Variants in FSTL1 observed in about 807,000 individuals in gnomAD.
The protein encoded by FSTL1 is follistatin-related protein 1.
Under a neutral mutation model 45.9 loss-of-function variants are expected in FSTL1, and 24 were observed. The observed-to-expected ratio is 0.52, with a 90% CI of 0.38 to 0.74. FSTL1 has a LOEUF of 0.74. FSTL1 is among the 30% of genes least tolerant of loss of function. The pLI is 0.00. For synonymous variants in FSTL1, 120 were observed against 137.6 expected, an observed-to-expected ratio of 0.87 and a Z score of 0.89; for missense variants, 340 against 381.8, an observed-to-expected ratio of 0.89 and a Z score of 0.91.
chr3:120,415,897 C>T (rs1404173071), intron 3 of FSTL1, 26 bp downstream of exon 3: 2 of 1,463,034 alleles, frequency 1.4e-6, no homozygotes, highest in East Asian at 2.3e-5. Context: ...GGCCACTGTC[C>T]TCTGGCTCCC....
chr3:120,403,435 A>G (rs1936867587), intron 7 of FSTL1, 81 bp from the exon 8 acceptor site: 1 of 830,174 alleles, frequency 1.2e-6, no homozygotes. Context: ...AGGACCACAT[A>G]CACCCAGGGC....
chr3:120,434,693 C>T (rs1051523770), intron 2 of FSTL1, among the ~76,000 whole-genome samples: 4 of 152,172 alleles, frequency 2.6e-5, no homozygotes, highest in Non-Finnish European at 4.4e-5. Context: ...TCACTCACTA[C>T]ACACTTTGGG....
intron 2 of FSTL1, among the ~76,000 whole-genome samples, chr3:120,431,445 C>T (rs1188116782): frequency 6.6e-6 from 1 of 152,142 alleles, no homozygotes; most frequent in Non-Finnish European, 1.5e-5. Context: ...TTTACACTTA[C>T]AGTACATCTA....
intron 2 of FSTL1, among the ~76,000 whole-genome samples, chr3:120,434,424 C>T (rs769831565): frequency 1.3e-5 from 2 of 152,130 alleles, no homozygotes; most frequent in African/African-American, 2.4e-5. Flanking sequence ...CCTGAGGAAA[C>T]TTAGTTTATG....
Position 120,395,593 on chromosome 3 carries a change from G to T in FSTL1, c.*1359C>A. Reference sequence around the variant, plus strand: ...ACTCCATATCATAGCACGACCTGTAGGGTCATCAGGCTGAGATCAAATCTG... The same window carrying T: ...ACTCCATATCATAGCACGACCTGTATGGTCATCAGGCTGAGATCAAATCTG... On this transcript the variant is annotated 3_prime_UTR_variant, in exon 11 of 11. Coordinates refer to ENST00000295633, the MANE Select transcript of FSTL1 (RefSeq NM_007085.5). 3.9e-6 allele frequency: 2 copies of T among 508,880 alleles called. No individual in the cohort carries two copies. Among genetic ancestry groups the T allele is most frequent in the South Asian group, 2.9e-5 (2 of 68,440 alleles). 31.5% of individuals were successfully genotyped at this position (508,880 alleles called of 1,614,324 possible). A position where few individuals can be genotyped will look rare whatever the true frequency, so the allele number is the denominator to read the frequency against.
At chr3:120,435,324 T>G (rs749464812) in intron 2 of FSTL1, among the ~76,000 whole-genome samples, 2 of 152,240 alleles carry the variant, frequency 1.3e-5, no homozygotes, top group Non-Finnish European at 2.9e-5. Flanking sequence ...ACAGAAATTC[T>G]TCACTCAATT....
chr3:120,427,565 G>A (rs1007693215), intron 2 of FSTL1, among the ~76,000 whole-genome samples: 1 of 152,102 alleles, frequency 6.6e-6, no homozygotes, highest in African/African-American at 2.4e-5. Flanking sequence ...CTTCTTTGAG[G>A]AAATACCCTA....
intron 2 of FSTL1, among the ~76,000 whole-genome samples, chr3:120,420,829 T>C (rs1427712492): frequency 1.3e-5 from 2 of 152,226 alleles, no homozygotes; most frequent in South Asian, 2.1e-4. Context: ...CTCACAGTTG[T>C]AGAATTGAGG....
chr3:120,440,574 C>T (rs1484218783), intron 2 of FSTL1, among the ~76,000 whole-genome samples: 2 of 152,204 alleles, frequency 1.3e-5, no homozygotes, highest in Non-Finnish European at 2.9e-5. Flanking sequence ...GTCTGCCTCC[C>T]CTCCGGACTG....
intron 2 of FSTL1, among the ~76,000 whole-genome samples, chr3:120,447,978 G>A (rs998996790): frequency 1.3e-5 from 2 of 152,172 alleles, no homozygotes; most frequent in Non-Finnish European, 2.9e-5. Context: ...TAATAGCTTT[G>A]TGAATCTAAC....
intron 2 of FSTL1, among the ~76,000 whole-genome samples, chr3:120,422,788 G>T (rs937691212): frequency 2.6e-5 from 4 of 151,828 alleles, no homozygotes; most frequent in African/African-American, 4.8e-5. Context: ...TCCACCTCCC[G>T]GGTTCAAGCG....
chr3:120,438,036 G>C (rs1351809836), intron 2 of FSTL1, among the ~76,000 whole-genome samples: 1 of 152,092 alleles, frequency 6.6e-6, no homozygotes, highest in African/African-American at 2.4e-5. Context: ...CTGATCATGG[G>C]CCAGGCAACA....
At chr3:120,423,141 G>A (rs1177674495) in intron 2 of FSTL1, 1 of 152,130 alleles carries the variant, frequency 6.6e-6, no homozygotes, top group Non-Finnish European at 1.5e-5. Context: ...GGACAGTGAT[G>A]TTTACCTCCA....
In FSTL1 at chr3:120,404,920, C is replaced by T. The variant is rs1936918588; in HGVS notation, c.514G>A (p.Val172Met). The T allele has an allele frequency of 6.2e-7, 1 of 1,608,670 alleles. No homozygotes were observed. The highest frequency in any genetic ancestry group is 8.5e-7 in the Non-Finnish European group (1 of 1,174,946). The part of the protein sequence containing the change: ...RLDSSEFLKF[V>M]EQNETAINIT... ...TTGATGGCAGTTTCATTCTGTTCCA[C>T]AAACTTCAGGAATTCACTGGAGTCC... Residue 172 changes from valine to methionine, a missense_variant, in exon 7 of 11, where the codon GTG becomes ATG. Val to Met is a conservative substitution (Grantham distance 21). Transcript: ENST00000295633.
At chr3:120,443,006 G>C (rs1937657596) in intron 2 of FSTL1, among the ~76,000 whole-genome samples, 1 of 146,698 alleles carries the variant, frequency 6.8e-6, no homozygotes, top group Non-Finnish European at 1.5e-5. Context: ...TGACGAGTTA[G>C]TGGGTGCAGT....
intron 7 of FSTL1, among the ~76,000 whole-genome samples, chr3:120,403,593 TC>T (rs1263529660): frequency 6.6e-6 from 1 of 151,836 alleles, no homozygotes; most frequent in East Asian, 1.9e-4. Context: ...GTCCAAATGT[TC>T]CCCCCCTTAA....
intron 2 of FSTL1, among the ~76,000 whole-genome samples, chr3:120,424,281 G>A (rs1482604258): frequency 6.6e-6 from 1 of 152,150 alleles, no homozygotes. Flanking sequence ...CAGCCTGGGT[G>A]ACAGAGTGAG....
In FSTL1 at chr3:120,396,816, A is replaced by T; in HGVS notation, c.*136T>A. The T allele has an allele frequency of 1.4e-6, 1 of 714,496 alleles. No individual in the cohort carries two copies. The highest frequency in any genetic ancestry group is 2.5e-6 in the Non-Finnish European group (1 of 400,214). The allele number at this position is 714,496 out of a possible 1,614,324, so 44.3% of individuals were successfully genotyped here. A position where few individuals can be genotyped will look rare whatever the true frequency, so the allele number is the denominator to read the frequency against. On this transcript the variant is annotated 3_prime_UTR_variant, in exon 11 of 11. Coordinates refer to ENST00000295633, the MANE Select transcript of FSTL1 (RefSeq NM_007085.5). The stretch of plus-strand genomic sequence containing the variant: ...CCTTCATATCCTTTATTGCAAAACA[A>T]ATAAACAAAATAAAACTCATTGCTA...
chr3:120,450,756 A>G lies in FSTL1; in HGVS notation c.1-10T>C, dbSNP rs1366712255. 1.9e-6 allele frequency: 3 copies of G among 1,573,268 alleles called. No homozygotes were observed. In the South Asian group the frequency reaches 3.4e-5, roughly 18 times the overall value. The stretch of plus-strand genomic sequence containing the variant: ...GCCAGCGTTTCCACATCTGCGGAAG[A>G]GAGAAGAGAGCGAGTCTGAAGGCGC... On this transcript the variant is annotated splice_polypyrimidine_tract_variant and intron_variant, in intron 1 of 10. Coordinates refer to ENST00000295633, the MANE Select transcript of FSTL1 (RefSeq NM_007085.5).
Sources: gnomAD v4.1 joint callset for allele counts (sites outside exome capture counted in the v4.1 genomes callset) on GRCh38, gnomAD v4.1.1 for gene constraint, MANE v1.5 for transcripts, NCBI Gene and HGNC (gene_info 2026-07-23, HGNC 2026-07-21) for gene names.